IGSF10: variants seen among roughly 807,000 people sequenced by gnomAD.
IGSF10 encodes immunoglobulin superfamily member 10, also known as calvaria mechanical force protein 608.
In IGSF10, 126 loss-of-function variants were observed where a neutral mutation model predicts 128.2. That is an observed-to-expected ratio of 0.98 (90% CI 0.85 to 1.14). IGSF10 has a LOEUF of 1.14. Ranked by LOEUF, IGSF10 falls within the 50% of genes most tolerant of loss-of-function variation. IGSF10 has a pLI of 0.00. For missense variants in IGSF10, 3,295 were observed against 3,149.8 expected, an observed-to-expected ratio of 1.05 and a Z score of -1.10; for synonymous variants, 1,185 against 1,146.2, an observed-to-expected ratio of 1.03 and a Z score of -0.68.
chr3:151,501,482 A>T, the IGSF10 span, among the ~76,000 whole-genome samples: 1 of 152,104 alleles, frequency 6.6e-6, no homozygotes, highest in Non-Finnish European at 1.5e-5. Context: ...ATGGTACCCG[A>T]GATTATTATC....
At chr3:151,561,540 AT>A in the IGSF10 span, among the ~76,000 whole-genome samples, 5 of 152,174 alleles carry the variant, frequency 3.3e-5, no homozygotes, top group African/African-American at 1.2e-4. Flanking sequence ...ATATTATTTA[AT>A]AGGGAAACAG....
At chr3:151,615,354 TATAA>T in the IGSF10 span, among the ~76,000 whole-genome samples, 2 of 152,166 alleles carry the variant, frequency 1.3e-5, no homozygotes, top group South Asian at 2.1e-4. Context: ...TATTTCACCA[TATAA>T]ATACAGACTT....
chr3:151,538,723 C>A, the IGSF10 span, among the ~76,000 whole-genome samples: 1 of 152,134 alleles, frequency 6.6e-6, no homozygotes, highest in Non-Finnish European at 1.5e-5. Flanking sequence ...ATTACTCTTT[C>A]AACCCCCAAG....
At chr3:151,588,530 T>C in the IGSF10 span, among the ~76,000 whole-genome samples, 1 of 152,226 alleles carries the variant, frequency 6.6e-6, no homozygotes, top group South Asian at 2.1e-4. Flanking sequence ...ACTAATATTT[T>C]TGTATAATTT....
chr3:151,549,929 TAAC>T, the IGSF10 span, among the ~76,000 whole-genome samples: 17 of 152,270 alleles, frequency 1.1e-4, no homozygotes, highest in East Asian at 3.3e-3. Context: ...TTGAAATTAA[TAAC>T]AGCCTCTGAA....
chr3:151,571,387 CTT>C, the IGSF10 span, among the ~76,000 whole-genome samples: 5 of 152,126 alleles, frequency 3.3e-5, no homozygotes, highest in Non-Finnish European at 7.4e-5. Flanking sequence ...TTTGTGTCCT[CTT>C]TTATTTCGTT....
At chr3:151,584,808 G>A in the IGSF10 span, among the ~76,000 whole-genome samples, 19 of 152,150 alleles carry the variant, frequency 1.2e-4, no homozygotes, top group African/African-American at 4.6e-4. Context: ...TAGGGAAGCT[G>A]GTTCCTCTTT....
the IGSF10 span, among the ~76,000 whole-genome samples, chr3:151,580,217 C>G: frequency 6.6e-6 from 1 of 151,918 alleles, no homozygotes; most frequent in Admixed American, 6.6e-5. Flanking sequence ...GTGGTCATCT[C>G]CAGAAATCAA....
chr3:151,446,988 C>G lies in IGSF10; in HGVS notation c.2993G>C (p.Arg998Thr). Reference sequence around the variant, plus strand: ...CAGCGGGATGTTAACTGTACTATTTCTAGGGATCGGAAACTGAGAATGAGC... The same window carrying G: ...CAGCGGGATGTTAACTGTACTATTTGTAGGGATCGGAAACTGAGAATGAGC... ...TAAHSQFPIP[R>T]NSTVNIPLFR... is the part of the protein sequence containing the mutation. The change falls in exon 6 of 8, where the codon AGA (arginine) becomes ACA (threonine). Residue 998 changes from arginine to threonine, a missense_variant. Coordinates refer to ENST00000282466, the MANE Select transcript of IGSF10 (RefSeq NM_178822.5). 1 of 1,614,164 alleles carries G rather than the reference C, an allele frequency of 6.2e-7. No individual in the cohort carries two copies. The highest frequency in any genetic ancestry group is 8.5e-7 in the Non-Finnish European group (1 of 1,180,030).
chr3:151,472,891 G>C, the IGSF10 span, among the ~76,000 whole-genome samples: 2 of 152,118 alleles, frequency 1.3e-5, no homozygotes, highest in African/African-American at 4.8e-5. Flanking sequence ...ACCTTACCAA[G>C]TTCTCACCAC....
the IGSF10 span, among the ~76,000 whole-genome samples, chr3:151,537,056 T>G: frequency 7.9e-5 from 12 of 152,316 alleles, no homozygotes; most frequent in East Asian, 2.1e-3. Flanking sequence ...AATAACAATA[T>G]TTGCTTGGGA....
chr3:151,504,602 T>C, the IGSF10 span, among the ~76,000 whole-genome samples: 4 of 152,204 alleles, frequency 2.6e-5, no homozygotes, highest in Admixed American at 2.0e-4. Flanking sequence ...TCCCACAACA[T>C]ATACAAGCAT....
chr3:151,457,144 A>G lies in IGSF10; in HGVS notation c.206T>C (p.Leu69Ser), dbSNP rs1560182910. 1 of 1,614,158 alleles carries G rather than the reference A, an allele frequency of 6.2e-7. No individual in the cohort carries two copies. The highest frequency in any genetic ancestry group is 2.2e-5 in the East Asian group (1 of 44,882). The change falls in exon 4 of 8, where the codon TTG (leucine) becomes TCG (serine). Residue 69 changes from leucine to serine, a missense_variant. By Grantham distance (145) the Leu-to-Ser change is moderately radical. Transcript: ENST00000282466. ...AAAATCTGTTTCCATCAATCTAACC[A>G]AGCTGTTGTATCTGAAATAAAAAAT... Reference protein sequence around the residue: ...VERINLGYNSLVRLMETDFSG... With the variant: ...VERINLGYNSSVRLMETDFSG...
At chr3:151,484,977 T>G in the IGSF10 span, among the ~76,000 whole-genome samples, 1 of 152,034 alleles carries the variant, frequency 6.6e-6, no homozygotes, top group Admixed American at 6.5e-5. Context: ...AGAAGTAGGT[T>G]TCAGAAGGTG....
the IGSF10 span, among the ~76,000 whole-genome samples, chr3:151,593,487 CT>C: frequency 3.6e-3 from 524 of 146,098 alleles, 6 homozygotes; most frequent in South Asian, 0.018. Context: ...CAAATTATGT[CT>C]TTTTTTTTTT....
rs181792554 is a variant in IGSF10, at chr3:151,441,790, G to C, written c.5963+1194C>G. On this transcript the variant is annotated intron_variant, in intron 7 of 7. Coordinates refer to ENST00000282466, the MANE Select transcript of IGSF10 (RefSeq NM_178822.5). ...TAAAATGAATATTGAGGCCAGGCAC[G>C]GTGGCTCATGCCTGTAATCCCAGCA... is the stretch of plus-strand genomic sequence containing the variant. 4.6e-5 allele frequency among the ~76,000 whole-genome samples: 7 copies of C among 152,262 alleles called. No individual in the cohort carries two copies. The East Asian group carries it at 1.3e-3, about 29-fold the overall frequency.
chr3:151,568,510 A>G, the IGSF10 span, among the ~76,000 whole-genome samples: 3 of 152,188 alleles, frequency 2.0e-5, no homozygotes, highest in African/African-American at 7.2e-5. Flanking sequence ...GATTTATAAT[A>G]TCTCCCTAGG....
intron 7 of IGSF10, among the ~76,000 whole-genome samples, chr3:151,442,554 T>TTTTTTC (rs1287707133): frequency 6.8e-6 from 1 of 147,256 alleles, no homozygotes; most frequent in Non-Finnish European, 1.5e-5. Flanking sequence ...CTAATTTTTT[T>TTTTTTC]TTTTTTGTAC....
the IGSF10 span, among the ~76,000 whole-genome samples, chr3:151,537,566 C>G: frequency 6.6e-6 from 1 of 152,078 alleles, no homozygotes; most frequent in South Asian, 2.1e-4. Context: ...GACTAATTAA[C>G]CGAAATAGGG....
Sources: gnomAD v4.1 joint callset for allele counts (sites outside exome capture counted in the v4.1 genomes callset) on GRCh38, gnomAD v4.1.1 for gene constraint, MANE v1.5 for transcripts, NCBI Gene and HGNC (gene_info 2026-07-23, HGNC 2026-07-21) for gene names.